GSE1: variants seen among roughly 807,000 people sequenced by gnomAD.
GSE1 encodes genetic suppressor element 1.
In GSE1, 32 loss-of-function variants were observed where a neutral mutation model predicts 112.6. The ratio of observed to expected loss-of-function variants is 0.28; its 90% CI spans 0.21 to 0.38. The LOEUF (loss-of-function observed/expected upper bound fraction) is 0.38. GSE1 is among the 10% of genes least tolerant of loss of function. The pLI is 1.00. For synonymous variants in GSE1, 1,115 were observed against 735.6 expected (o/e 1.52, Z -8.35); for missense variants, 2,348 against 1,699.2 (o/e 1.38, Z -6.71).
At chr16:85,193,801 C>T (rs1567602260) in intron 1 of GSE1, among the ~76,000 whole-genome samples, 1 of 152,116 alleles carries the variant, frequency 6.6e-6, no homozygotes, top group Non-Finnish European at 1.5e-5. Flanking sequence ...GTAGATTGAC[C>T]TGCAGTTGTG....
chr16:85,312,231 C>G (rs2045876162), intron 1 of GSE1, among the ~76,000 whole-genome samples: 3 of 150,942 alleles, frequency 2.0e-5, no homozygotes. Flanking sequence ...CACTTACCCC[C>G]AAACCCTAAA....
In GSE1 at chr16:85,430,082, G is replaced by C. The variant is rs1488476222; in HGVS notation, c.2464+72439G>C. ...GGGGAATCCATCGGGGGTTCAGTCG[G>C]AGCCCAGTGATGTGTGAGCAGGGTC... On this transcript the variant is annotated intron_variant, in intron 2 of 2. Coordinates refer to the GSE1 transcript ENST00000637419. Among the ~76,000 whole-genome samples the C allele has an allele frequency of 3.9e-5, 6 of 152,234 alleles. No homozygotes were observed. In the South Asian group the frequency reaches 6.2e-4, roughly 16 times the overall value.
At chr16:85,634,154 C>T (rs549358932) in intron 2 of GSE1, 22 bp downstream of exon 2, 105 of 1,401,804 alleles carry the variant, frequency 7.5e-5, no homozygotes, top group Admixed American at 2.0e-4. Flanking sequence ...CGCCAGGCTG[C>T]GCGTGGGGGG....
intron 2 of GSE1, among the ~76,000 whole-genome samples, chr16:85,540,276 C>T (rs1195371622): frequency 6.6e-6 from 1 of 152,198 alleles, no homozygotes; most frequent in African/African-American, 2.4e-5. Flanking sequence ...CCCCCTTCAT[C>T]CAGTTCAGGC....
chr16:85,537,840 G>A (rs768322670), intron 2 of GSE1, among the ~76,000 whole-genome samples: 15 of 152,258 alleles, frequency 9.9e-5, no homozygotes, highest in South Asian at 8.3e-4. Context: ...AGGCTGGGGC[G>A]GTTGGGGTGG....
At chr16:85,631,789 A>T (rs565306094) in intron 1 of GSE1, among the ~76,000 whole-genome samples, 2 of 152,360 alleles carry the variant, frequency 1.3e-5, no homozygotes, top group African/African-American at 2.4e-5. Context: ...CTGACAGGCA[A>T]AGTAACTTGC....
chr16:85,369,115 G>C (rs1024794737), intron 2 of GSE1, among the ~76,000 whole-genome samples: 3 of 152,172 alleles, frequency 2.0e-5, no homozygotes, highest in Non-Finnish European at 2.9e-5. Flanking sequence ...TTCGAGGTGT[G>C]GGCAGGACTG....
At chr16:85,516,303 T>C (rs1193951758) in intron 2 of GSE1, among the ~76,000 whole-genome samples, 1 of 147,918 alleles carries the variant, frequency 6.8e-6, no homozygotes, top group African/African-American at 2.5e-5. Context: ...TGACTGTGAC[T>C]GGGAGACAGA....
chr16:85,542,233 G>A (rs2044546325), intron 2 of GSE1, among the ~76,000 whole-genome samples: 1 of 152,224 alleles, frequency 6.6e-6, no homozygotes, highest in Non-Finnish European at 1.5e-5. Context: ...CGAAGGCGGG[G>A]AGCAGGCTGC....
intron 1 of GSE1, among the ~76,000 whole-genome samples, chr16:85,272,785 T>C (rs1908980736): frequency 1.3e-5 from 2 of 150,666 alleles, no homozygotes; most frequent in Admixed American, 1.3e-4. Flanking sequence ...TTCTTTTTTT[T>C]TTTTTTTTTT....
At chr16:85,470,393 A>G (rs1254518848) in intron 2 of GSE1, among the ~76,000 whole-genome samples, 1 of 151,796 alleles carries the variant, frequency 6.6e-6, no homozygotes, top group Non-Finnish European at 1.5e-5. Flanking sequence ...TGGAGAAGTC[A>G]GGACTTGCCC....
At chr16:85,280,609 C>A (rs879398701) in intron 1 of GSE1, among the ~76,000 whole-genome samples, 19 of 152,082 alleles carry the variant, frequency 1.2e-4, no homozygotes, top group African/African-American at 3.9e-4. Context: ...TTGGCCAGGC[C>A]GCTCTCGAAC....
intron 1 of GSE1, among the ~76,000 whole-genome samples, chr16:85,335,522 T>C (rs1278907228): frequency 6.6e-6 from 1 of 152,144 alleles, no homozygotes; most frequent in East Asian, 1.9e-4. Flanking sequence ...CTGGGCTCCC[T>C]GCAGGTGCTG....
rs774581211 is a variant in GSE1, at chr16:85,657,351, C to T, written c.1387C>T (p.His463Tyr). The change falls in exon 8 of 16, where the codon CAC (histidine) becomes TAC (tyrosine). Residue 463 changes from histidine (H) to tyrosine (Y), a missense_variant. By Grantham distance (83) the His-to-Tyr change is moderately conservative (BLOSUM62 2). Coordinates refer to ENST00000253458, the MANE Select transcript of GSE1 (RefSeq NM_014615.5). ...HPLHPVPTPHHTVPSLISNHG... is the reference protein window; with the variant it reads ...HPLHPVPTPHYTVPSLISNHG... ...CTTGCATCCGGTGCCCACCCCACAC[C>T]ACACGGTGCCCAGCCTCATCTCCAA... 1 of 1,611,462 alleles carries T rather than the reference C, an allele frequency of 6.2e-7. No individual in the cohort carries two copies. The highest frequency in any genetic ancestry group is 8.5e-7 in the Non-Finnish European group (1 of 1,179,484).
At chr16:85,227,768 G>A (rs931522286) in intron 1 of GSE1, among the ~76,000 whole-genome samples, 1 of 152,208 alleles carries the variant, frequency 6.6e-6, no homozygotes. Flanking sequence ...GCTGGGCCCT[G>A]GGAGATGGAG....
chr16:85,601,523 TG>T (rs904335982), intron 1 of GSE1, among the ~76,000 whole-genome samples: 1 of 151,178 alleles, frequency 6.6e-6, no homozygotes, highest in South Asian at 2.1e-4. Context: ...GAAATCAAGG[TG>T]GGGGGGTGAC....
chr16:85,639,605 C>T (rs141804040), intron 2 of GSE1, among the ~76,000 whole-genome samples: 79 of 152,362 alleles, frequency 5.2e-4, no homozygotes, highest in Non-Finnish European at 7.2e-4. Context: ...GAGGGTGCCC[C>T]GGGAACGCCT....
At chr16:85,631,883 C>T (rs778452666) in intron 1 of GSE1, among the ~76,000 whole-genome samples, 11 of 152,264 alleles carry the variant, frequency 7.2e-5, no homozygotes, top group Non-Finnish European at 1.2e-4. Flanking sequence ...GGACCCGCTG[C>T]GCCTCTGTGC....
At chr16:85,339,179 G>A (rs1163103704) in intron 1 of GSE1, among the ~76,000 whole-genome samples, 2 of 152,192 alleles carry the variant, frequency 1.3e-5, no homozygotes, top group Non-Finnish European at 2.9e-5. Context: ...AGCCAGGCCC[G>A]TAGTAGTTCT....
Sources: gnomAD v4.1 joint callset for allele counts (sites outside exome capture counted in the v4.1 genomes callset) on GRCh38, gnomAD v4.1.1 for gene constraint, MANE v1.5 for transcripts, NCBI Gene and HGNC (gene_info 2026-07-23, HGNC 2026-07-21) for gene names.